ABCG4: variants seen among roughly 807,000 people sequenced by gnomAD.
ABCG4 encodes the protein ATP binding cassette subfamily G member 4, also known as ATP-binding cassette sub-family G member 4.
ABCG4 carries 35 observed loss-of-function variants against 64.6 expected under a neutral mutation model. That is an observed-to-expected ratio of 0.54 (90% CI 0.41 to 0.72). The LOEUF (loss-of-function observed/expected upper bound fraction) is 0.72, where lower values mean the gene tolerates loss of function less well. ABCG4 is among the 30% of genes least tolerant of loss of function. ABCG4 has a pLI of 0.00. For missense variants in ABCG4, 610 were observed against 846.3 expected (o/e 0.72, Z 3.46); for synonymous variants, 326 against 348.2 (o/e 0.94, Z 0.71).
rs1424580390 is a variant in ABCG4 at position 119,155,192 on chromosome 11, T to G, written c.686+277T>G. Among the ~76,000 whole-genome samples the G allele has an allele frequency of 2.0e-5, 3 of 152,202 alleles. No homozygotes were observed. Among genetic ancestry groups the G allele is most frequent in the Admixed American group, 6.5e-5 (1 of 15,274 alleles). On this transcript the variant is annotated intron_variant, in intron 6 of 14. Coordinates refer to ENST00000619701, the MANE Select transcript of ABCG4 (RefSeq NM_022169.5). This position sits in a 1 kb window ranked among gnomAD's most constrained non-coding sequence, Gnocchi z 4.5. Reference sequence around the variant, plus strand: ...CCAAGTCCTGTTGATTCTGCCTCCTTTTGATATCTCTCAGATTTGCCCTGC... The same window carrying G: ...CCAAGTCCTGTTGATTCTGCCTCCTGTTGATATCTCTCAGATTTGCCCTGC...
rs774335112 is a variant in ABCG4 at position 119,154,839 on chromosome 11, G to A, written c.610G>A (p.Gly204Arg). The A allele has an allele frequency of 8.7e-6, 14 of 1,614,064 alleles. No homozygotes were observed. The highest frequency in any genetic ancestry group is 6.7e-5 in the East Asian group (3 of 44,876). ...SHTRTALLSG[G>R]QRKRLAIALE... ...CACGAGGACAGCCCTGCTCTCTGGC[G>A]GGCAGAGGAAGCGTCTGGCCATCGC... The change falls in exon 6 of 15, where the codon GGG becomes AGG. Residue 204 changes from glycine to arginine, a missense_variant. Physicochemically the swap from Gly to Arg is moderately radical, Grantham distance 125. Transcript: ENST00000619701. The surrounding 1 kb of genome is among the most constrained non-coding windows in gnomAD (Gnocchi z 7.0).
Position 119,161,074 on chromosome 11 carries a change from G to A in ABCG4, c.1909G>A (p.Val637Met). The change falls in exon 15 of 15, where the codon GTG becomes ATG. Residue 637 changes from valine to methionine, a missense_variant. Physicochemically the swap from Val to Met is conservative, Grantham distance 21. Coordinates refer to ENST00000619701, the MANE Select transcript of ABCG4 (RefSeq NM_022169.5). ...FLALRLLAYL[V>M]LRYRVKSER The stretch of plus-strand genomic sequence containing the variant: ...AGCCCTGCGGCTGCTGGCCTACCTT[G>A]TGCTGCGTTACCGGGTCAAGTCAGA... The A allele has an allele frequency of 6.2e-7, 1 of 1,613,898 alleles. No individual in the cohort carries two copies. Among genetic ancestry groups the A allele is most frequent in the East Asian group, 2.2e-5 (1 of 44,866 alleles).
rs751928209 is a variant in ABCG4 at position 119,158,730 on chromosome 11, G to T, written c.1336+5G>T. 6 of 1,614,164 alleles carry T rather than the reference G, an allele frequency of 3.7e-6. No homozygotes were observed. The highest frequency in any genetic ancestry group is 4.2e-6 in the Non-Finnish European group (5 of 1,180,030). ...TCATGCCAACTGTGCTCACCTGTGA[G>T]CTGAGCTGCCCTGGGCATGGGGCAA... On this transcript the variant is annotated splice_donor_5th_base_variant and intron_variant, in intron 11 of 14. Transcript: ENST00000619701. This position sits in a 1 kb window ranked among gnomAD's most constrained non-coding sequence, Gnocchi z 4.5.
At position 119,157,597 on chromosome 11, in the gene ABCG4, C is replaced by T. The variant is rs117174602; in HGVS notation, c.1068+583C>T. 7.0e-4 allele frequency among the ~76,000 whole-genome samples: 106 copies of T among 152,286 alleles called. 1 individual carries two copies. The East Asian group carries it at 0.013, about 18-fold the overall frequency. ...GTGGCATAAAGGAATTATACCTGGCCGGATACAGTGGCCCACGCCTGTAAT... is the reference window on the plus strand; with the variant it reads ...GTGGCATAAAGGAATTATACCTGGCTGGATACAGTGGCCCACGCCTGTAAT... On this transcript the variant is annotated intron_variant, in intron 9 of 14. Coordinates refer to ENST00000619701, the MANE Select transcript of ABCG4 (RefSeq NM_022169.5).
rs1361494606 is a variant in ABCG4, at chr11:119,156,736, T to G, written c.925+58T>G. ...ACAGCAGTGGGCCGAACCTGGGGTCTCTGGTCTTGCACTCAGGCCTCCTAG... is the reference window on the plus strand; with the variant it reads ...ACAGCAGTGGGCCGAACCTGGGGTCGCTGGTCTTGCACTCAGGCCTCCTAG... On this transcript the variant is annotated intron_variant, in intron 8 of 14. Coordinates refer to ENST00000619701, the MANE Select transcript of ABCG4 (RefSeq NM_022169.5). The surrounding 1 kb of genome is among the most constrained non-coding windows in gnomAD (Gnocchi z 5.5). 5 of 1,602,448 alleles carry G rather than the reference T, an allele frequency of 3.1e-6. No homozygotes were observed. The Admixed American group carries it at 6.7e-5, about 21-fold the overall frequency.
At position 119,154,782 on chromosome 11, in the gene ABCG4, C is replaced by T. The variant is rs754820331; in HGVS notation, c.553C>T (p.Leu185=). 10 of 1,610,752 alleles carry T rather than the reference C, an allele frequency of 6.2e-6. No individual in the cohort carries two copies. Among genetic ancestry groups the T allele is most frequent in the Non-Finnish European group, 8.5e-6 (10 of 1,177,388 alleles). Residue 185 remains leucine, a synonymous_variant, in exon 6 of 15, where the codon CTG becomes TTG. Transcript: ENST00000619701. The surrounding 1 kb of genome is among the most constrained non-coding windows in gnomAD (Gnocchi z 7.0). ...GGGGTGGGGCCAGGTGACAGAGATC[C>T]TGACGGCACTGGGCCTGATGTCGTG... ...EVKKELVTEI[L]TALGLMSCSH...
rs955229524 is a variant in ABCG4 at position 119,161,623 on chromosome 11, C to G, written c.*517C>G. On this transcript the variant is annotated 3_prime_UTR_variant, in exon 15 of 15. Coordinates refer to ENST00000619701, the MANE Select transcript of ABCG4 (RefSeq NM_022169.5). ...ATGGACAGGGAAGGACTCTGGAAGT[C>G]TCTTCCTCCTCCTCCTCTTCTCTCC... The G allele has an allele frequency of 2.6e-5, 4 of 154,950 alleles. No individual in the cohort carries two copies. The highest frequency in any genetic ancestry group is 9.6e-5 in the African/African-American group (4 of 41,462). 9.6% of individuals were successfully genotyped at this position (154,950 alleles called of 1,614,324 possible). A position where few individuals can be genotyped will look rare whatever the true frequency, so the allele number is the denominator to read the frequency against.
intron 2 of ABCG4, chr11:119,153,514 TACC>T (rs1048988620): frequency 1.9e-5 from 3 of 158,932 alleles, no homozygotes; most frequent in African/African-American, 7.2e-5. Context: ...CTGCTGAGAT[TACC>T]AAGATGAGTG....
In ABCG4 at chr11:119,155,317, A is replaced by G. The variant is rs945293187; in HGVS notation, c.686+402A>G. Reference sequence around the variant, plus strand: ...AATCCTTTCTCCAAACTGCAGCTACAGTGAACTTTCTTTTATTTTTTTAAG... The same window carrying G: ...AATCCTTTCTCCAAACTGCAGCTACGGTGAACTTTCTTTTATTTTTTTAAG... On this transcript the variant is annotated intron_variant, in intron 6 of 14. Coordinates refer to ENST00000619701, the MANE Select transcript of ABCG4 (RefSeq NM_022169.5). This position sits in a 1 kb window ranked among gnomAD's most constrained non-coding sequence, Gnocchi z 4.5. Among the ~76,000 whole-genome samples the G allele has an allele frequency of 2.0e-5, 3 of 152,134 alleles. No individual in the cohort carries two copies. The highest frequency in any genetic ancestry group is 7.2e-5 in the African/African-American group (3 of 41,454).
Position 119,160,877 on chromosome 11 carries a change from C to G in ABCG4, c.1716-4C>G. On this transcript the variant is annotated splice_polypyrimidine_tract_variant and splice_region_variant and intron_variant, in intron 14 of 14. Transcript: ENST00000619701. This position sits in a 1 kb window ranked among gnomAD's most constrained non-coding sequence, Gnocchi z 4.6. ...TATCCCATCTGATATCCCTGCCTGC[C>G]TAGGTATGGCTTTGAGGGTGTGATC... is the stretch of plus-strand genomic sequence containing the variant. The G allele has an allele frequency of 6.2e-7, 1 of 1,612,584 alleles. No homozygotes were observed. The highest frequency in any genetic ancestry group is 2.2e-5 in the East Asian group (1 of 44,832).
intron 2 of ABCG4, among the ~76,000 whole-genome samples, chr11:119,152,311 T>A (rs1948202779): frequency 6.6e-6 from 1 of 152,194 alleles, no homozygotes; most frequent in African/African-American, 2.4e-5. Flanking sequence ...TTGTAAACCA[T>A]GGGTACCATC....
intron 2 of ABCG4, among the ~76,000 whole-genome samples, chr11:119,151,368 C>T (rs151117535): frequency 4.7e-4 from 72 of 152,306 alleles, no homozygotes; most frequent in African/African-American, 1.7e-3. Flanking sequence ...CAGCCTCATT[C>T]TGCTGTACTG....
chr11:119,149,686 G>A lies in ABCG4; in HGVS notation c.-12-268G>A, dbSNP rs562259113. 3 of 510,344 alleles carry A rather than the reference G, an allele frequency of 5.9e-6. No individual in the cohort carries two copies. Among genetic ancestry groups the A allele is most frequent in the South Asian group, 5.5e-5 (2 of 36,144 alleles). The allele number at this position is 510,344 out of a possible 1,614,324, so 31.6% of individuals were successfully genotyped here. ...CAGTCCCCAGGGGCTGCTGGCCTGC[G>A]GGGTAAGGAGATTAGAGAAGCCGCC... is the stretch of plus-strand genomic sequence containing the variant. On this transcript the variant is annotated intron_variant, in intron 1 of 14. Coordinates refer to ENST00000619701, the MANE Select transcript of ABCG4 (RefSeq NM_022169.5). The surrounding 1 kb of genome is among the most constrained non-coding windows in gnomAD (Gnocchi z 8.3).
rs1194558174 is a variant in ABCG4, at chr11:119,150,520, C to T, written c.238+317C>T. 1.3e-5 allele frequency among the ~76,000 whole-genome samples: 2 copies of T among 152,104 alleles called. No homozygotes were observed. The highest frequency in any genetic ancestry group is 1.5e-5 in the Non-Finnish European group (1 of 68,010). On this transcript the variant is annotated intron_variant, in intron 2 of 14. Coordinates refer to ENST00000619701, the MANE Select transcript of ABCG4 (RefSeq NM_022169.5). This position sits in a 1 kb window ranked among gnomAD's most constrained non-coding sequence, Gnocchi z 4.3. ...TTCTTTTGTTTATGGAGGATTCCTA[C>T]CTGTGAGGGCTGGTATGAAAAAGTA...
chr11:119,160,329 G>T lies in ABCG4; in HGVS notation c.1540G>T (p.Ala514Ser). The part of the protein sequence containing the change: ...LLFSALATAT[A>S]LVAQSLGLLI... ...CTTCTCAGCCCTGGCCACCGCCACC[G>T]CCTTGGTGGCCCAATCTTTGGGGCT... The change falls in exon 13 of 15, where the codon GCC (alanine) becomes TCC (serine). Residue 514 changes from alanine (A) to serine (S), a missense_variant. Coordinates refer to ENST00000619701, the MANE Select transcript of ABCG4 (RefSeq NM_022169.5). This position sits in a 1 kb window ranked among gnomAD's most constrained non-coding sequence, Gnocchi z 4.6. The T allele has an allele frequency of 3.1e-6, 5 of 1,613,588 alleles. No individual in the cohort carries two copies. Among genetic ancestry groups the T allele is most frequent in the Non-Finnish European group, 4.2e-6 (5 of 1,179,652 alleles).
At chr11:119,151,195 A>G (rs1429793110) in intron 2 of ABCG4, among the ~76,000 whole-genome samples, 1 of 152,218 alleles carries the variant, frequency 6.6e-6, no homozygotes, top group Admixed American at 6.5e-5. Context: ...GGGCAAAATC[A>G]TGAGGCAGTT....
At chr11:119,159,015 A>G in intron 12 of ABCG4, 86 bp downstream of exon 12, 5 of 1,326,294 alleles carry the variant, frequency 3.8e-6, no homozygotes, top group Non-Finnish European at 5.4e-6. Flanking sequence ...CAAACTTGTC[A>G]CTTTCCTTCC....
chr11:119,158,884 C>G lies in ABCG4; in HGVS notation c.1392C>G (p.Leu464=). The change falls in exon 12 of 15, where the codon CTC becomes CTG. Residue 464 remains leucine (L), a synonymous_variant. Coordinates refer to ENST00000619701, the MANE Select transcript of ABCG4 (RefSeq NM_022169.5). The surrounding 1 kb of genome is among the most constrained non-coding windows in gnomAD (Gnocchi z 4.5). The stretch of plus-strand genomic sequence containing the variant: ...AGCACCTCAACTACTGGTACAGCCT[C>G]AAAGCGTATTACCTGGCCAAGACCA... ...MREHLNYWYS[L]KAYYLAKTMA... is the part of the protein sequence containing the mutation. The G allele has an allele frequency of 2.5e-6, 4 of 1,614,236 alleles. No homozygotes were observed. The highest frequency in any genetic ancestry group is 3.4e-6 in the Non-Finnish European group (4 of 1,180,048).
Position 119,154,916 on chromosome 11 carries a change from G to A in ABCG4, c.686+1G>A. On this transcript the variant is annotated splice_donor_variant, in intron 6 of 14. Coordinates refer to ENST00000619701, the MANE Select transcript of ABCG4 (RefSeq NM_022169.5). LOFTEE classifies it high-confidence loss of function. This position sits in a 1 kb window ranked among gnomAD's most constrained non-coding sequence, Gnocchi z 7.0. Reference sequence around the variant, plus strand: ...TCATGTTCTTTGATGAGCCCACCAGGTAGTTCTCTCCACCCTTTCCCACCA... The same window carrying A: ...TCATGTTCTTTGATGAGCCCACCAGATAGTTCTCTCCACCCTTTCCCACCA... 6.2e-7 allele frequency: 1 copy of A among 1,604,922 alleles called. No homozygotes were observed. Among genetic ancestry groups the A allele is most frequent in the Non-Finnish European group, 8.5e-7 (1 of 1,172,736 alleles).
Sources: allele counts gnomAD v4.1 joint callset (sites outside exome capture counted in the v4.1 genomes callset), GRCh38; gene constraint gnomAD v4.1.1; non-coding constraint Gnocchi (gnomAD v3.1); transcripts MANE v1.5; gene names NCBI Gene and HGNC (gene_info 2026-07-23, HGNC 2026-07-21).